CLIP1: variants seen among roughly 807,000 people sequenced by gnomAD.
The protein encoded by CLIP1 is CAP-Gly domain-containing linker protein 1.
CLIP1 carries 66 observed loss-of-function variants against 161.6 expected under a neutral mutation model. The observed-to-expected ratio is 0.41, with a 90% confidence interval of 0.33 to 0.50. The LOEUF (loss-of-function observed/expected upper bound fraction) is 0.50, where lower values mean the gene tolerates loss of function less well. CLIP1 is among the 20% of genes least tolerant of loss of function. CLIP1 has a pLI of 0.27. For synonymous variants in CLIP1, 598 were observed against 626.2 expected, an observed-to-expected ratio of 0.96 and a Z score of 0.67; for missense variants, 1,376 against 1,702.0, an observed-to-expected ratio of 0.81 and a Z score of 3.37.
intron 3 of CLIP1, chr12:122,365,323 GT>G: frequency 1.1e-6 from 1 of 908,270 alleles, no homozygotes; most frequent in Non-Finnish European, 1.8e-6. Flanking sequence ...CCCCACAAGT[GT>G]TACCATGGCA....
At chr12:122,347,602 G>A (rs1265265416) in intron 9 of CLIP1, 123 bp from the exon 10 acceptor site, 4 of 707,886 alleles carry the variant, frequency 5.7e-6, no homozygotes, top group Non-Finnish European at 1.0e-5. Flanking sequence ...TGAACCAAAG[G>A]GGAATGGAGA....
chr12:122,333,946 G>T, intron 14 of CLIP1, 81 bp downstream of exon 14: 1 of 827,612 alleles, frequency 1.2e-6, no homozygotes. Context: ...TAGTACATTT[G>T]TTATGTAACA....
At chr12:122,351,952 A>T (rs559538266) in intron 8 of CLIP1, among the ~76,000 whole-genome samples, 90 of 152,296 alleles carry the variant, frequency 5.9e-4, no homozygotes, top group African/African-American at 2.1e-3. Context: ...TTACTTTTTT[A>T]AAAAAATTAA....
chr12:122,349,297 G>A lies in CLIP1; in HGVS notation c.1401+1814C>T, dbSNP rs541058555. Among the ~76,000 whole-genome samples the A allele has an allele frequency of 2.6e-5, 4 of 152,332 alleles. No homozygotes were observed. In the East Asian group the frequency reaches 7.7e-4, roughly 29 times the overall value. On this transcript the variant is annotated intron_variant, in intron 9 of 25. Transcript: ENST00000620786. ...AAAGGTCACTATTTCCAGATAAAAA[G>A]CAAATACACATTTAATGTGATCTCC...
intron 1 of CLIP1, among the ~76,000 whole-genome samples, chr12:122,394,928 A>T (rs912496956): frequency 6.6e-6 from 1 of 152,162 alleles, no homozygotes; most frequent in African/African-American, 2.4e-5. Flanking sequence ...GAATATCTGT[A>T]CGAACCAACA....
Position 122,326,064 on chromosome 12 carries a change from G to A in CLIP1, c.3249+1883C>T, listed in dbSNP as rs769310237. On this transcript the variant is annotated intron_variant, in intron 17 of 25. Transcript: ENST00000620786. ...GAATAGGAGGCTTCATGGGTTCCAGGAACCTTGTTGAGTGCACACGTAAAC... is the reference window on the plus strand; with the variant it reads ...GAATAGGAGGCTTCATGGGTTCCAGAAACCTTGTTGAGTGCACACGTAAAC... Among the ~76,000 whole-genome samples, 108 of 152,234 alleles carry A rather than the reference G, an allele frequency of 7.1e-4. 3 individuals carry two copies. Among genetic ancestry groups the A allele is most frequent in the Non-Finnish European group, 2.4e-4 (16 of 68,036 alleles).
intron 20 of CLIP1, among the ~76,000 whole-genome samples, chr12:122,294,152 C>G (rs1950373282): frequency 1.3e-5 from 2 of 150,730 alleles, no homozygotes; most frequent in Non-Finnish European, 3.0e-5. Context: ...CATGGTGAAA[C>G]CCTGTCTCTA....
intron 21 of CLIP1, among the ~76,000 whole-genome samples, chr12:122,287,404 G>A (rs1156848325): frequency 6.6e-6 from 1 of 152,186 alleles, no homozygotes; most frequent in Non-Finnish European, 1.5e-5. Context: ...TACTTCACAA[G>A]AGCATGGAGA....
intron 1 of CLIP1, among the ~76,000 whole-genome samples, chr12:122,419,747 C>A (rs1277324411): frequency 6.6e-6 from 1 of 151,536 alleles, no homozygotes; most frequent in Non-Finnish European, 1.5e-5. Context: ...ACCAGCCTGG[C>A]CAACATCGTG....
chr12:122,282,923 G>A (rs1202897448), intron 21 of CLIP1, among the ~76,000 whole-genome samples: 2 of 152,140 alleles, frequency 1.3e-5, no homozygotes, highest in East Asian at 1.9e-4. Flanking sequence ...GCGCAAGCTC[G>A]GAGACAGTCA....
At chr12:122,374,097 G>T (rs141183025) in intron 3 of CLIP1, among the ~76,000 whole-genome samples, 4 of 151,908 alleles carry the variant, frequency 2.6e-5, no homozygotes, top group Non-Finnish European at 5.9e-5. Context: ...TAGCACTTTG[G>T]GAGGCCAAGG....
At chr12:122,348,811 C>T (rs1375162292) in intron 9 of CLIP1, among the ~76,000 whole-genome samples, 2 of 152,134 alleles carry the variant, frequency 1.3e-5, no homozygotes, top group Non-Finnish European at 2.9e-5. Context: ...AAAATGACAA[C>T]AGACTCTAAA....
chr12:122,286,117 T>C (rs553942504), intron 21 of CLIP1, among the ~76,000 whole-genome samples: 1 of 152,306 alleles, frequency 6.6e-6, no homozygotes, highest in East Asian at 1.9e-4. Flanking sequence ...TATTTAGTAT[T>C]CTGCAGCAAC....
chr12:122,389,160 C>T (rs950449028), intron 1 of CLIP1, among the ~76,000 whole-genome samples: 1 of 152,156 alleles, frequency 6.6e-6, no homozygotes, highest in Non-Finnish European at 1.5e-5. Context: ...ATCTGTTCAT[C>T]CTTCCACTAC....
At chr12:122,276,462 G>A (rs1955434046) in intron 24 of CLIP1, 2 of 1,288,982 alleles carry the variant, frequency 1.6e-6, no homozygotes, top group Non-Finnish European at 2.0e-6. Context: ...GAAGAAAAGT[G>A]TTGTCAGCAG....
At chr12:122,317,782 C>T (rs1951328642) in intron 18 of CLIP1, among the ~76,000 whole-genome samples, 1 of 152,208 alleles carries the variant, frequency 6.6e-6, no homozygotes, top group African/African-American at 2.4e-5. Context: ...CTTTTAACAC[C>T]TAACATTCCA....
chr12:122,287,477 A>G (rs921966011), intron 21 of CLIP1, among the ~76,000 whole-genome samples: 1 of 152,206 alleles, frequency 6.6e-6, no homozygotes, highest in Admixed American at 6.5e-5. Context: ...TTAACAAGCG[A>G]AAAAGCACAT....
chr12:122,399,067 C>T (rs1956048541), intron 1 of CLIP1, among the ~76,000 whole-genome samples: 2 of 151,376 alleles, frequency 1.3e-5, no homozygotes, highest in African/African-American at 4.8e-5. Flanking sequence ...TCTTCATATT[C>T]TCATCTGATT....
chr12:122,291,251 G>C (rs558288467), intron 20 of CLIP1, among the ~76,000 whole-genome samples: 1 of 151,574 alleles, frequency 6.6e-6, no homozygotes, highest in Admixed American at 6.6e-5. Context: ...GTGCAGTGGC[G>C]CGATCTTGGC....
Sources: allele counts gnomAD v4.1 joint callset (sites outside exome capture counted in the v4.1 genomes callset), GRCh38; gene constraint gnomAD v4.1.1; transcripts MANE v1.5; gene names NCBI Gene and HGNC (gene_info 2026-07-23, HGNC 2026-07-21).